TAB2: variants seen among roughly 807,000 people sequenced by gnomAD.
The protein encoded by TAB2 is TGF-beta-activated kinase 1 and MAP3K7-binding protein 2.
TAB2 carries 3 observed loss-of-function variants against 65.0 expected under a neutral mutation model. The observed-to-expected ratio is 0.05, with a 90% CI of 0.02 to 0.12. TAB2 has a LOEUF of 0.12. Among genes scored for constraint, TAB2 ranks in the 10% least tolerant of loss-of-function variants. The pLI, the probability that TAB2 is intolerant of heterozygous loss-of-function variation, is 1.00. For synonymous variants in TAB2, 298 were observed against 285.1 expected (o/e 1.05, Z -0.46); for missense variants, 623 against 840.3 (o/e 0.74, Z 3.20).
In TAB2 at chr6:149,377,908, A is replaced by G. The variant is rs1489683346; in HGVS notation, c.103-110A>G. 3.7e-6 allele frequency: 3 copies of G among 816,418 alleles called. No individual in the cohort carries two copies. In the East Asian group the frequency reaches 8.0e-5, roughly 22 times the overall value. The allele number at this position is 816,418 out of a possible 1,614,324, so 50.6% of individuals were successfully genotyped here. ...TTCTCAAATTTAAATATCCAAATAT[A>G]TGTTATAATTGTATTAGCCAGTCAC... On this transcript the variant is annotated intron_variant, in intron 2 of 6. Transcript: ENST00000637181.
intron 1 of TAB2, among the ~76,000 whole-genome samples, chr6:149,353,940 A>T (rs1356050047): frequency 2.0e-5 from 3 of 152,184 alleles, no homozygotes; most frequent in Non-Finnish European, 4.4e-5. Flanking sequence ...ATGTTTTTTA[A>T]CCCACTAAAA....
chr6:149,244,555 C>T (rs1777667042), intron 1 of TAB2: 1 of 152,256 alleles, frequency 6.6e-6, no homozygotes, highest in Non-Finnish European at 1.5e-5. Flanking sequence ...AGCAAGCATA[C>T]AGGAAGATAC....
At chr6:149,400,935 T>TG in intron 6 of TAB2, 1 of 451,990 alleles carries the variant, frequency 2.2e-6, no homozygotes, top group Non-Finnish European at 4.0e-6. Context: ...GGAGACAGGA[T>TG]GGGAAAAAAT....
intron 1 of TAB2, among the ~76,000 whole-genome samples, chr6:149,271,854 G>A (rs1040765569): frequency 4.6e-5 from 7 of 151,998 alleles, no homozygotes; most frequent in East Asian, 1.9e-4. Flanking sequence ...TGAGGTTAAC[G>A]GAAAGTTGAA....
At chr6:149,409,457 T>G in intron 6 of TAB2, 120 bp from the exon 7 acceptor site, 2 of 846,720 alleles carry the variant, frequency 2.4e-6, no homozygotes, top group African/African-American at 3.4e-5. Context: ...GTCAGCTAGA[T>G]GCCCCATTTG....
intron 1 of TAB2, among the ~76,000 whole-genome samples, chr6:149,224,643 C>T (rs1312322452): frequency 6.6e-6 from 1 of 152,102 alleles, no homozygotes; most frequent in African/African-American, 2.4e-5. Context: ...AGAGTGCCAG[C>T]CCACAGTGCC....
intron 1 of TAB2, among the ~76,000 whole-genome samples, chr6:149,323,305 T>G (rs957657967): frequency 6.6e-6 from 1 of 152,160 alleles, no homozygotes; most frequent in African/African-American, 2.4e-5. Flanking sequence ...GTAGCTAGAT[T>G]AGTCTTCATT....
chr6:149,392,117 T>G (rs1355911067), intron 3 of TAB2, among the ~76,000 whole-genome samples: 1 of 142,918 alleles, frequency 7.0e-6, no homozygotes, highest in African/African-American at 2.6e-5. Flanking sequence ...CACATTCATA[T>G]CAGATTTTAT....
At chr6:149,254,110 G>GAAGC (rs1777951370) in intron 1 of TAB2, among the ~76,000 whole-genome samples, 1 of 128,506 alleles carries the variant, frequency 7.8e-6, no homozygotes, top group African/African-American at 3.0e-5. Flanking sequence ...AGGAAGGAAG[G>GAAGC]AAGGACAGGG....
intron 2 of TAB2, among the ~76,000 whole-genome samples, chr6:149,377,067 C>CA (rs1562441458): frequency 1.4e-5 from 2 of 143,538 alleles, no homozygotes; most frequent in Non-Finnish European, 1.5e-5. Context: ...ACAAATGTAA[C>CA]TTATTTTTTT....
chr6:149,264,894 G>C (rs1409836653), intron 1 of TAB2, among the ~76,000 whole-genome samples: 1 of 152,258 alleles, frequency 6.6e-6, no homozygotes, highest in Non-Finnish European at 1.5e-5. Context: ...GAACGTGTGA[G>C]CCACTGCAGG....
intron 1 of TAB2, among the ~76,000 whole-genome samples, chr6:149,258,096 C>T (rs1033189431): frequency 5.9e-5 from 9 of 152,270 alleles, no homozygotes; most frequent in Non-Finnish European, 1.0e-4. Flanking sequence ...GGTCTGGATG[C>T]GGCCTGGGAT....
upstream of TAB2, chr6:149,217,956 G>A (rs1411069292): frequency 6.6e-6 from 1 of 152,074 alleles, no homozygotes; most frequent in Non-Finnish European, 1.5e-5. Context: ...TAAGTATGGA[G>A]GCAAAAGCTG....
Position 149,378,702 on chromosome 6 carries a change from A to C in TAB2, c.787A>C (p.Asn263His). ...TCCCTGGACTACTTGTCCTGCATCTAATCCTCTGTCACATACCTCATCTCA... is the reference window on the plus strand; with the variant it reads ...TCCCTGGACTACTTGTCCTGCATCTCATCCTCTGTCACATACCTCATCTCA... Reference protein sequence around the residue: ...PGPWTTCPASNPLSHTSSQQP... With the variant: ...PGPWTTCPASHPLSHTSSQQP... The change falls in exon 3 of 7, where the codon AAT becomes CAT. Residue 263 changes from asparagine to histidine, a missense_variant. Transcript: ENST00000637181. The C allele has an allele frequency of 1.9e-6, 3 of 1,613,962 alleles. No homozygotes were observed. The highest frequency in any genetic ancestry group is 2.2e-5 in the South Asian group (2 of 91,074).
chr6:149,280,491 T>C (rs1325479676), intron 1 of TAB2, among the ~76,000 whole-genome samples: 1 of 152,164 alleles, frequency 6.6e-6, no homozygotes, highest in Non-Finnish European at 1.5e-5. Flanking sequence ...TCAAATAGAA[T>C]AACGCTGAGC....
intron 1 of TAB2, among the ~76,000 whole-genome samples, chr6:149,308,003 C>T (rs1779099287): frequency 6.6e-6 from 1 of 152,202 alleles, no homozygotes; most frequent in African/African-American, 2.4e-5. Flanking sequence ...TACCTCCTTC[C>T]TGTAATATTA....
At chr6:149,241,922 C>G (rs1405553492) in intron 1 of TAB2, among the ~76,000 whole-genome samples, 2 of 152,184 alleles carry the variant, frequency 1.3e-5, no homozygotes, top group Non-Finnish European at 2.9e-5. Flanking sequence ...TCTGCTGCCC[C>G]GTAAGGCTGC....
At chr6:149,277,412 G>A (rs916431251) in intron 1 of TAB2, among the ~76,000 whole-genome samples, 3 of 151,990 alleles carry the variant, frequency 2.0e-5, no homozygotes, top group Non-Finnish European at 4.4e-5. Flanking sequence ...AAAATATACT[G>A]TTAAGATAAA....
chr6:149,245,813 A>G (rs983635774), intron 1 of TAB2, among the ~76,000 whole-genome samples: 1 of 152,198 alleles, frequency 6.6e-6, no homozygotes, highest in African/African-American at 2.4e-5. Context: ...CCATTCCCCT[A>G]CAGATGGATG....
Sources: allele counts gnomAD v4.1 joint callset (sites outside exome capture counted in the v4.1 genomes callset), GRCh38; gene constraint gnomAD v4.1.1; transcripts MANE v1.5; gene names NCBI Gene and HGNC (gene_info 2026-07-23, HGNC 2026-07-21).